FAT3: variants seen among roughly 807,000 people sequenced by gnomAD.
FAT3 encodes the protein protocadherin Fat 3.
Under a neutral mutation model 310.2 loss-of-function variants are expected in FAT3, and 95 were observed. The observed-to-expected ratio is 0.31, with a 90% confidence interval of 0.26 to 0.36. The LOEUF (loss-of-function observed/expected upper bound fraction) is 0.36. Ranked by LOEUF, FAT3 falls within the 10% of genes least tolerant of loss-of-function variation. FAT3 has a pLI of 1.00. For synonymous variants in FAT3, 2,314 were observed against 2,192.9 expected, an observed-to-expected ratio of 1.06 and a Z score of -1.54; for missense variants, 5,408 against 5,715.6, an observed-to-expected ratio of 0.95 and a Z score of 1.74.
chr11:92,779,182 A>G (rs536434207), intron 7 of FAT3, among the ~76,000 whole-genome samples: 2 of 152,222 alleles, frequency 1.3e-5, no homozygotes, highest in Admixed American at 6.5e-5. Flanking sequence ...AGAGACCCAT[A>G]AGGAGCAGGA....
intron 1 of FAT3, among the ~76,000 whole-genome samples, chr11:92,265,351 A>G (rs1163748297): frequency 6.6e-6 from 1 of 151,952 alleles, no homozygotes; most frequent in Non-Finnish European, 1.5e-5. Flanking sequence ...CTTACCCTTC[A>G]GTATTGACTG....
intron 3 of FAT3, among the ~76,000 whole-genome samples, chr11:92,533,916 G>C (rs1954162149): frequency 6.6e-6 from 1 of 152,092 alleles, no homozygotes; most frequent in Non-Finnish European, 1.5e-5. Context: ...AAATAGAGCA[G>C]ATGATGGAGC....
rs191329980 is a variant in FAT3 at position 92,878,576 on chromosome 11, C to A, written c.12128-2155C>A. On this transcript the variant is annotated intron_variant, in intron 22 of 27. Transcript: ENST00000525166. ...AACTTCATAAAAGTATTATTAATATCCTCAGACAGATAAGAGAAGATACTA... is the reference window on the plus strand; with the variant it reads ...AACTTCATAAAAGTATTATTAATATACTCAGACAGATAAGAGAAGATACTA... Among the ~76,000 whole-genome samples the A allele has an allele frequency of 2.7e-3, 365 of 133,392 alleles. 3 individuals carry two copies. The highest frequency in any genetic ancestry group is 9.4e-3 in the African/African-American group (338 of 35,964). The allele number at this position is 133,392 out of a possible 152,430, so 87.5% of individuals were successfully genotyped here.
chr11:92,247,441 G>A (rs915587571), intron 1 of FAT3, among the ~76,000 whole-genome samples: 1 of 151,496 alleles, frequency 6.6e-6, no homozygotes, highest in Non-Finnish European at 1.5e-5. Context: ...TTCACCGCAC[G>A]TTTTCACTCT....
chr11:92,229,411 TGA>T (rs1864053470), intron 1 of FAT3, among the ~76,000 whole-genome samples: 1 of 151,910 alleles, frequency 6.6e-6, no homozygotes, highest in Non-Finnish European at 1.5e-5. Flanking sequence ...TCAAACTTAC[TGA>T]GTTTTCTGTC....
intron 1 of FAT3, among the ~76,000 whole-genome samples, chr11:92,334,945 A>G (rs1344847319): frequency 6.6e-6 from 1 of 152,192 alleles, no homozygotes; most frequent in Admixed American, 6.5e-5. Flanking sequence ...ACCTGTGGAA[A>G]TTCTTATCCA....
At chr11:92,356,777 T>A (rs1948743589) in intron 2 of FAT3, among the ~76,000 whole-genome samples, 1 of 152,152 alleles carries the variant, frequency 6.6e-6, no homozygotes, top group Admixed American at 6.5e-5. Context: ...CCAGTGATGA[T>A]GATGATGATT....
chr11:92,588,599 TG>T (rs1939269485), intron 3 of FAT3, among the ~76,000 whole-genome samples: 1 of 151,980 alleles, frequency 6.6e-6, no homozygotes, highest in Non-Finnish European at 1.5e-5. Flanking sequence ...CAGAGGAAAA[TG>T]GGTATTTATT....
At chr11:92,695,341 G>A (rs146848007) in intron 3 of FAT3, among the ~76,000 whole-genome samples, 233 of 152,140 alleles carry the variant, frequency 1.5e-3, no homozygotes, top group African/African-American at 5.3e-3. Context: ...TGTTTTTTAC[G>A]TTTCCCTGGT....
chr11:92,684,522 C>T (rs183138705), intron 3 of FAT3, among the ~76,000 whole-genome samples: 42 of 152,320 alleles, frequency 2.8e-4, no homozygotes, highest in African/African-American at 1.0e-3. Flanking sequence ...GAACAACCTT[C>T]TTCCACTTCT....
intron 1 of FAT3, among the ~76,000 whole-genome samples, chr11:92,338,959 A>G (rs1948167622): frequency 6.6e-6 from 1 of 152,186 alleles, no homozygotes; most frequent in African/African-American, 2.4e-5. Context: ...AACCTCAGCC[A>G]TGCAGAGCTG....
chr11:92,731,585 C>G (rs1945179265), intron 4 of FAT3, among the ~76,000 whole-genome samples: 1 of 152,014 alleles, frequency 6.6e-6, no homozygotes, highest in South Asian at 2.1e-4. Flanking sequence ...CTTACTTTTT[C>G]TTGGTGACCT....
rs754682069 is a variant in FAT3, at chr11:92,844,407, G to A, written c.11040G>A (p.Gln3680=). ...CCCTGCGGAATGCAGTCCTCACCCA[G>A]AAGCAGGACAGCCTGCGCATCATCA... ...RRTLRNAVLT[Q]KQDSLRIISI... Residue 3680 remains glutamine (Q), a synonymous_variant, in exon 19 of 28, where the codon CAG becomes CAA. Coordinates refer to ENST00000525166, the MANE Select transcript of FAT3 (RefSeq NM_001367949.2). The A allele has an allele frequency of 6.2e-7, 1 of 1,613,964 alleles. No individual in the cohort carries two copies. The highest frequency in any genetic ancestry group is 2.2e-5 in the East Asian group (1 of 44,876).
At chr11:92,864,200 G>A (rs1210859999) in intron 21 of FAT3, among the ~76,000 whole-genome samples, 1 of 152,172 alleles carries the variant, frequency 6.6e-6, no homozygotes, top group Non-Finnish European at 1.5e-5. Flanking sequence ...GAGGTAGGAG[G>A]TGGGGGTGAG....
intron 22 of FAT3, among the ~76,000 whole-genome samples, chr11:92,875,216 AT>A (rs1463616694): frequency 6.7e-6 from 1 of 148,788 alleles, no homozygotes; most frequent in East Asian, 2.0e-4. Flanking sequence ...TTTCCCTCTC[AT>A]TGTGTTAACA....
chr11:92,441,425 C>T (rs1288341902), intron 2 of FAT3, among the ~76,000 whole-genome samples: 2 of 152,126 alleles, frequency 1.3e-5, no homozygotes, highest in East Asian at 3.9e-4. Context: ...TAATCAAAAG[C>T]AGTAAATTGT....
rs1256677874 is a variant in FAT3, at chr11:92,224,841, G to T, written c.-351G>T. ...GCAGTAGCGGCGGCGGCTGCAGCTC[G>T]GAGCAGACAGGAGAGCCGGCGCTCC... On this transcript the variant is annotated 5_prime_UTR_variant, in exon 1 of 28. Coordinates refer to ENST00000525166, the MANE Select transcript of FAT3 (RefSeq NM_001367949.2). Among the ~76,000 whole-genome samples the T allele has an allele frequency of 6.6e-6, 1 of 151,996 alleles. No individual in the cohort carries two copies. Among genetic ancestry groups the T allele is most frequent in the African/African-American group, 2.4e-5 (1 of 41,384 alleles).
intron 4 of FAT3, among the ~76,000 whole-genome samples, chr11:92,739,436 A>G (rs917396420): frequency 6.6e-6 from 1 of 152,166 alleles, no homozygotes; most frequent in African/African-American, 2.4e-5. Context: ...TTCAAGTATC[A>G]TTTTTATTGT....
chr11:92,331,003 T>A (rs10551412), intron 1 of FAT3, among the ~76,000 whole-genome samples: 43,498 of 132,702 alleles, frequency 0.33, 8,213 homozygotes, highest in South Asian at 0.47. Flanking sequence ...TGTGTGTGTG[T>A]GAGAGAGAGA....
Sources: allele counts gnomAD v4.1 joint callset (sites outside exome capture counted in the v4.1 genomes callset), GRCh38; gene constraint gnomAD v4.1.1; transcripts MANE v1.5; gene names NCBI Gene and HGNC (gene_info 2026-07-23, HGNC 2026-07-21).